The following PDE10A variants were observed in gnomAD, a reference collection of about 807,000 sequenced individuals.
PDE10A encodes phosphodiesterase 10A, also known as cAMP and cAMP-inhibited cGMP 3',5'-cyclic phosphodiesterase 10A.
A neutral mutation model predicts 97.7 loss-of-function variants in PDE10A; 39 were observed. The observed-to-expected ratio is 0.40, with a 90% CI of 0.31 to 0.52. PDE10A has a LOEUF of 0.52. Among genes scored for constraint, PDE10A ranks in the 20% least tolerant of loss-of-function variants. The probability of loss-of-function intolerance (pLI) is 0.56; values close to 1 mark genes in which losing one functional copy is unlikely to be tolerated. For synonymous variants in PDE10A, 371 were observed against 376.8 expected (o/e 0.98, Z 0.18); for missense variants, 731 against 1,047.8 (o/e 0.70, Z 4.17).
At chr6:165,349,649 C>G (rs374530315) in intron 18 of PDE10A, among the ~76,000 whole-genome samples, 7 of 152,156 alleles carry the variant, frequency 4.6e-5, no homozygotes, top group East Asian at 3.9e-4. Context: ...CTCCAGGGCA[C>G]GTAAAAGACC....
intron 1 of PDE10A, among the ~76,000 whole-genome samples, chr6:165,765,850 T>C (rs1419633148): frequency 2.6e-5 from 4 of 152,128 alleles, no homozygotes; most frequent in African/African-American, 4.8e-5. Flanking sequence ...TCACCTCTCA[T>C]TGGGAAGATC....
Position 165,753,132 on chromosome 6 carries a change from G to C in PDE10A, c.-614-209564C>G, listed in dbSNP as rs184047215. Among the ~76,000 whole-genome samples the C allele has an allele frequency of 1.7e-4, 26 of 152,194 alleles. No individual in the cohort carries two copies. The East Asian group carries it at 4.8e-3, about 28-fold the overall frequency. On this transcript the variant is annotated intron_variant, in intron 1 of 19. Coordinates refer to the PDE10A transcript ENST00000366882. Reference sequence around the variant, plus strand: ...AGCACGTGAGGGAAATGTTAATAGCGGTTTAATTTATTATCAATCAAATAT... The same window carrying C: ...AGCACGTGAGGGAAATGTTAATAGCCGTTTAATTTATTATCAATCAAATAT...
chr6:165,824,645 C>A (rs759557267), intron 1 of PDE10A, among the ~76,000 whole-genome samples: 1 of 152,106 alleles, frequency 6.6e-6, no homozygotes, highest in Non-Finnish European at 1.5e-5. Context: ...AGCTCACAGA[C>A]CTTTGTTAAC....
chr6:165,619,474 G>A (rs62647937), intron 1 of PDE10A, among the ~76,000 whole-genome samples: 6 of 13,568 alleles, frequency 4.4e-4, no homozygotes, highest in East Asian at 1.8e-3. Flanking sequence ...CTAGTGTAGT[G>A]TAGTCTAGTG....
At chr6:165,628,714 T>C (rs937579028) in intron 1 of PDE10A, among the ~76,000 whole-genome samples, 3 of 152,162 alleles carry the variant, frequency 2.0e-5, no homozygotes, top group South Asian at 4.1e-4. Flanking sequence ...GAGGCACACA[T>C]AATTCTTAAA....
At chr6:165,976,572 A>C (rs1042937255) in intron 1 of PDE10A, among the ~76,000 whole-genome samples, 4 of 152,206 alleles carry the variant, frequency 2.6e-5, no homozygotes, top group African/African-American at 9.7e-5. Context: ...CTAGAACCTG[A>C]GTCTTCCTGG....
intron 1 of PDE10A, among the ~76,000 whole-genome samples, chr6:165,843,066 G>A (rs376853826): frequency 1.2e-4 from 18 of 152,212 alleles, no homozygotes; most frequent in African/African-American, 3.6e-4. Flanking sequence ...GTGAGGCCCC[G>A]CTGTGCTCAG....
chr6:165,908,605 T>G (rs1010991939), intron 1 of PDE10A, among the ~76,000 whole-genome samples: 12 of 151,928 alleles, frequency 7.9e-5, no homozygotes, highest in African/African-American at 2.9e-4. Flanking sequence ...GCTGGAGGTG[T>G]CCCCCTGCCA....
chr6:165,719,339 C>T (rs1462562071), intron 1 of PDE10A, among the ~76,000 whole-genome samples: 1 of 152,106 alleles, frequency 6.6e-6, no homozygotes, highest in African/African-American at 2.4e-5. Flanking sequence ...CAAAACAGAA[C>T]CCAAGAGTGC....
At chr6:165,556,209 CT>C (rs1293226549) in intron 1 of PDE10A, among the ~76,000 whole-genome samples, 1 of 152,136 alleles carries the variant, frequency 6.6e-6, no homozygotes, top group African/African-American at 2.4e-5. Flanking sequence ...CCTCTAATCC[CT>C]GCATTGCTCA....
intron 1 of PDE10A, among the ~76,000 whole-genome samples, chr6:165,635,375 AT>A (rs2128416983): frequency 6.6e-6 from 1 of 152,276 alleles, no homozygotes; most frequent in East Asian, 1.9e-4. Context: ...ATTATTTTTC[AT>A]TTTGTAAGAC....
intron 6 of PDE10A, among the ~76,000 whole-genome samples, chr6:165,434,535 A>G (rs1335092231): frequency 6.6e-6 from 1 of 152,178 alleles, no homozygotes; most frequent in African/African-American, 2.4e-5. Context: ...ATCTATGTGC[A>G]TGGTTAGTGA....
intron 1 of PDE10A, among the ~76,000 whole-genome samples, chr6:165,814,964 T>A (rs1375565966): frequency 2.0e-5 from 3 of 151,934 alleles, no homozygotes; most frequent in Non-Finnish European, 4.4e-5. Flanking sequence ...GATGAATGAG[T>A]CACACAATGA....
chr6:165,694,489 C>G (rs1314356595), intron 1 of PDE10A, among the ~76,000 whole-genome samples: 2 of 152,224 alleles, frequency 1.3e-5, no homozygotes, highest in Non-Finnish European at 2.9e-5. Context: ...TTTGCATTCA[C>G]TGCTCCTCAA....
At chr6:165,823,928 T>C (rs6905881) in intron 1 of PDE10A, among the ~76,000 whole-genome samples, 85,320 of 152,080 alleles carry the variant, frequency 0.56, 25,706 homozygotes, top group East Asian at 0.88. Context: ...CATTTCAATA[T>C]GTCCTAATTC....
chr6:165,705,133 G>T (rs1791675891), intron 1 of PDE10A, among the ~76,000 whole-genome samples: 1 of 152,368 alleles, frequency 6.6e-6, no homozygotes, highest in East Asian at 1.9e-4. Context: ...CATGGAATGG[G>T]TGAAGCCTGG....
intron 1 of PDE10A, among the ~76,000 whole-genome samples, chr6:165,841,598 C>T (rs1191807995): frequency 1.3e-5 from 2 of 152,212 alleles, no homozygotes; most frequent in Non-Finnish European, 2.9e-5. Context: ...TCTCCCATCC[C>T]GGGGGTTCAA....
intron 1 of PDE10A, among the ~76,000 whole-genome samples, chr6:165,924,283 G>A (rs529761083): frequency 6.6e-6 from 1 of 152,088 alleles, no homozygotes; most frequent in Non-Finnish European, 1.5e-5. Context: ...TTTCCATTTT[G>A]GATAGAACAT....
At chr6:165,790,575 G>T (rs1340637701) in intron 1 of PDE10A, among the ~76,000 whole-genome samples, 1 of 152,144 alleles carries the variant, frequency 6.6e-6, no homozygotes, top group East Asian at 1.9e-4. Context: ...GTGGGCAGGG[G>T]TAAGTTGCCC....
Sources: allele counts gnomAD v4.1 joint callset (sites outside exome capture counted in the v4.1 genomes callset), GRCh38; gene constraint gnomAD v4.1.1; transcripts MANE v1.5; gene names NCBI Gene and HGNC (gene_info 2026-07-23, HGNC 2026-07-21).